Variants in DMGDH observed in about 807,000 individuals in gnomAD.
DMGDH encodes the protein dimethylglycine dehydrogenase, mitochondrial.
In DMGDH, 76 loss-of-function variants were observed where a neutral mutation model predicts 95.2. That is an observed-to-expected ratio of 0.80 (90% CI 0.66 to 0.97). The LOEUF is 0.97. Ranked by LOEUF, DMGDH falls within the 50% of genes least tolerant of loss-of-function variation. The pLI is 0.00. For synonymous variants in DMGDH, 345 were observed against 377.6 expected (o/e 0.91, Z 1.00); for missense variants, 987 against 1,055.0 (o/e 0.94, Z 0.89).
At chr5:79,015,368 A>G (rs1384959617) in intron 14 of DMGDH, among the ~76,000 whole-genome samples, 2 of 152,196 alleles carry the variant, frequency 1.3e-5, no homozygotes, top group Non-Finnish European at 2.9e-5. Context: ...TCTCCCAGTC[A>G]TCAGACGAAC....
intron 2 of DMGDH, among the ~76,000 whole-genome samples, chr5:79,060,659 G>A (rs752225490): frequency 6.6e-6 from 1 of 152,080 alleles, no homozygotes; most frequent in Non-Finnish European, 1.5e-5. Flanking sequence ...GGTGGCTCAC[G>A]CCTGTAATCC....
chr5:79,005,528 C>G lies in DMGDH; in HGVS notation c.2251-121G>C, dbSNP rs1228628583. ...ACCAATTACACATTAAATAAAAATACAGATCGGATCATATGTCTAGACAAA... is the reference window on the plus strand; with the variant it reads ...ACCAATTACACATTAAATAAAAATAGAGATCGGATCATATGTCTAGACAAA... On this transcript the variant is annotated intron_variant, in intron 14 of 15. Transcript: ENST00000255189. 3.0e-6 allele frequency: 4 copies of G among 1,336,204 alleles called. No homozygotes were observed. In the African/African-American group the frequency reaches 4.3e-5, roughly 14 times the overall value. The allele number at this position is 1,336,204 out of a possible 1,614,324, so 82.8% of individuals were successfully genotyped here. A position where few individuals can be genotyped will look rare whatever the true frequency, so the allele number is the denominator to read the frequency against.
At chr5:79,029,375 CTT>C (rs1754091762) in intron 11 of DMGDH, among the ~76,000 whole-genome samples, 1 of 152,136 alleles carries the variant, frequency 6.6e-6, no homozygotes, top group South Asian at 2.1e-4. Flanking sequence ...AGACTAAAGA[CTT>C]TATAATAGAA....
Position 79,005,337 on chromosome 5 carries a change from C to A in DMGDH, c.2321G>T (p.Cys774Phe), listed in dbSNP as rs750093032. 1 of 1,613,860 alleles carries A rather than the reference C, an allele frequency of 6.2e-7. No individual in the cohort carries two copies. Among genetic ancestry groups the A allele is most frequent in the Non-Finnish European group, 8.5e-7 (1 of 1,179,920 alleles). The change falls in exon 15 of 16, where the codon TGC becomes TTC. Residue 774 changes from cysteine (C) to phenylalanine (F), a missense_variant. Transcript: ENST00000255189. ...AACATCATCCGTTGCCAAGGTGAGG[C>A]AGACCAGTCTTCGTTTCAGCCCCTT... ...KAKGLKRRLV[C>F]LTLATDDVDP...
chr5:79,018,958 C>A (rs1380337389), intron 14 of DMGDH, among the ~76,000 whole-genome samples: 1 of 152,118 alleles, frequency 6.6e-6, no homozygotes, highest in Non-Finnish European at 1.5e-5. Flanking sequence ...TCCTTCTCTT[C>A]CCCTCCCCTC....
intron 10 of DMGDH, 170 bp downstream of exon 10, chr5:79,030,663 A>G (rs527784884): frequency 1.2e-4 from 84 of 710,408 alleles, no homozygotes; most frequent in Non-Finnish European, 1.4e-4. Flanking sequence ...AAAAAAAAAA[A>G]AAAGAAAAGA....
intron 14 of DMGDH, among the ~76,000 whole-genome samples, chr5:79,021,981 G>T (rs1382939853): frequency 2.0e-5 from 3 of 152,162 alleles, no homozygotes; most frequent in Admixed American, 2.0e-4. Flanking sequence ...AGTACCAGCT[G>T]ATCCCCAGGG....
chr5:79,028,976 C>G (rs3797539), intron 11 of DMGDH, among the ~76,000 whole-genome samples: 1 of 151,956 alleles, frequency 6.6e-6, no homozygotes, highest in Non-Finnish European at 1.5e-5. Flanking sequence ...TTCAGCCTTG[C>G]AAAATTAATT....
At chr5:79,012,015 G>A (rs1430139215) in intron 14 of DMGDH, among the ~76,000 whole-genome samples, 1 of 152,090 alleles carries the variant, frequency 6.6e-6, no homozygotes, top group Non-Finnish European at 1.5e-5. Context: ...TGCCTTCCCA[G>A]AGTTCCCCAA....
Position 79,069,577 on chromosome 5 carries a change from C to A in DMGDH, c.44G>T (p.Arg15Leu). 1 of 1,354,214 alleles carries A rather than the reference C, an allele frequency of 7.4e-7. No homozygotes were observed. Among genetic ancestry groups the A allele is most frequent in the Non-Finnish European group, 9.5e-7 (1 of 1,053,632 alleles). The allele number at this position is 1,354,214 out of a possible 1,614,324, so 83.9% of individuals were successfully genotyped here. A position where few individuals can be genotyped will look rare whatever the true frequency, so the allele number is the denominator to read the frequency against. The change falls in exon 1 of 16, where the codon CGG becomes CTG. Residue 15 changes from arginine to leucine, a missense_variant. By Grantham distance (102) the Arg-to-Leu change is moderately radical. Transcript: ENST00000255189. ...GAQLLRGLLL[R>L]SCPLQGSPGR... ...GGGGGAGCCCTGCAGCGGGCAGCTCCGCAGCAGGAGGCCCCGCAGCAGCTG... is the reference window on the plus strand; with the variant it reads ...GGGGGAGCCCTGCAGCGGGCAGCTCAGCAGCAGGAGGCCCCGCAGCAGCTG...
chr5:79,035,402 G>C (rs972623812), intron 7 of DMGDH, among the ~76,000 whole-genome samples: 1 of 152,168 alleles, frequency 6.6e-6, no homozygotes, highest in Non-Finnish European at 1.5e-5. Context: ...GCTTTAGCAA[G>C]TCTATTTTAA....
intron 15 of DMGDH, among the ~76,000 whole-genome samples, chr5:79,003,707 C>A (rs534392235): frequency 6.6e-6 from 1 of 152,090 alleles, no homozygotes; most frequent in South Asian, 2.1e-4. Context: ...CCCAGCACTT[C>A]GGGAGGCCAA....
intron 4 of DMGDH, among the ~76,000 whole-genome samples, chr5:79,053,495 T>C (rs1272738731): frequency 2.0e-5 from 3 of 152,218 alleles, no homozygotes; most frequent in Non-Finnish European, 2.9e-5. Flanking sequence ...GAAGATTACA[T>C]GAAATTATGC....
intron 15 of DMGDH, 38 bp from the exon 16 acceptor site, chr5:78,998,335 C>A: frequency 1.3e-6 from 2 of 1,579,630 alleles, no homozygotes; most frequent in South Asian, 2.3e-5. Context: ...GCATCTTGGT[C>A]ACAGCTCTGT....
intron 11 of DMGDH, 150 bp from the exon 12 acceptor site, chr5:79,028,800 G>A (rs1447290497): frequency 1.1e-6 from 1 of 874,160 alleles, no homozygotes; most frequent in Non-Finnish European, 1.8e-6. Flanking sequence ...TTTTAAAGTT[G>A]AGGAAACCAA....
rs116213137 is a variant in DMGDH at position 79,032,425 on chromosome 5, T to C, written c.1517+262A>G. 5.3e-3 allele frequency among the ~76,000 whole-genome samples: 812 copies of C among 152,332 alleles called. 9 individuals carry two copies. Among genetic ancestry groups the C allele is most frequent in the African/African-American group, 0.019 (784 of 41,576 alleles). On this transcript the variant is annotated intron_variant, in intron 9 of 15. Coordinates refer to ENST00000255189, the MANE Select transcript of DMGDH (RefSeq NM_013391.3). ...AATTTGGAGGGCGGTCGCAAGTTTCTTCCGAGCATCTGGTAAATGCCAAGA... is the reference window on the plus strand; with the variant it reads ...AATTTGGAGGGCGGTCGCAAGTTTCCTCCGAGCATCTGGTAAATGCCAAGA...
At position 79,055,808 on chromosome 5, in the gene DMGDH, A is replaced by C. The variant is rs780252171; in HGVS notation, c.375+2T>G. 2 of 1,583,302 alleles carry C rather than the reference A, an allele frequency of 1.3e-6. No homozygotes were observed. Among genetic ancestry groups the C allele is most frequent in the South Asian group, 2.2e-5 (2 of 90,400 alleles). On this transcript the variant is annotated splice_donor_variant, in intron 3 of 15. Transcript: ENST00000255189. LOFTEE classifies it high-confidence loss of function. ...AGACAGTTTCAAGTTAAATGCCTTT[A>C]CCTGACCAGTTTCTTCTTCCAGTTT... is the stretch of plus-strand genomic sequence containing the variant.
chr5:79,003,937 G>T (rs1052496263), intron 15 of DMGDH, among the ~76,000 whole-genome samples: 1 of 139,738 alleles, frequency 7.2e-6, no homozygotes, highest in Non-Finnish European at 1.6e-5. Context: ...ACAGAGTAAG[G>T]CTCTGTCTCA....
intron 5 of DMGDH, among the ~76,000 whole-genome samples, chr5:79,047,094 T>C (rs183830803): frequency 6.6e-6 from 1 of 152,260 alleles, no homozygotes; most frequent in Admixed American, 6.5e-5. Context: ...TCAATCAAAT[T>C]AACCTAAATC....
Sources: allele counts gnomAD v4.1 joint callset (sites outside exome capture counted in the v4.1 genomes callset), GRCh38; gene constraint gnomAD v4.1.1; transcripts MANE v1.5; gene names NCBI Gene and HGNC (gene_info 2026-07-23, HGNC 2026-07-21).